Variants in SEM1 observed in about 807,000 individuals in gnomAD.
The protein encoded by SEM1 is SEM1 26S proteasome subunit, also known as 26S proteasome complex subunit SEM1.
In SEM1, 3 loss-of-function variants were observed where a neutral mutation model predicts 12.7. The observed-to-expected ratio is 0.24, with a 90% CI of 0.11 to 0.61. SEM1 has a LOEUF of 0.61. SEM1 is among the 20% of genes least tolerant of loss of function. The pLI is 0.88. For missense variants in SEM1, 59 were observed against 81.3 expected (o/e 0.73, Z 1.06); for synonymous variants, 30 against 27.8 (o/e 1.08, Z -0.25).
At chr7:96,611,293 T>C (rs553325913) in intron 2 of SEM1, among the ~76,000 whole-genome samples, 2 of 152,346 alleles carry the variant, frequency 1.3e-5, no homozygotes, top group South Asian at 4.1e-4. Context: ...AATAAATTTA[T>C]GTACCTTTTC....
intron 2 of SEM1, among the ~76,000 whole-genome samples, chr7:96,536,594 C>G (rs1002346173): frequency 4.0e-5 from 6 of 151,716 alleles, no homozygotes; most frequent in Admixed American, 1.3e-4. Flanking sequence ...CTTTGATGTT[C>G]TTTTGTTAGG....
At chr7:96,704,072 CTATT>C (rs1365352851) in intron 1 of SEM1, among the ~76,000 whole-genome samples, 1 of 151,386 alleles carries the variant, frequency 6.6e-6, no homozygotes, top group Non-Finnish European at 1.5e-5. Flanking sequence ...GTTAAATAGA[CTATT>C]TAAGATGAAC....
At chr7:96,565,893 A>C (rs1165934685) in intron 2 of SEM1, among the ~76,000 whole-genome samples, 1 of 151,874 alleles carries the variant, frequency 6.6e-6, no homozygotes, top group African/African-American at 2.4e-5. Flanking sequence ...TCATGTACAC[A>C]TTATCCTTGT....
At position 96,700,498 on chromosome 7, in the gene SEM1, T is replaced by G. The variant is rs114459160; in HGVS notation, c.77-5607A>C. On this transcript the variant is annotated intron_variant, in intron 1 of 2. Coordinates refer to ENST00000248566, the MANE Select transcript of SEM1 (RefSeq NM_006304.2). ...TAGTCAGCCCTCTCTACAGGTGGGT[T>G]CCATATCCTGTGAATATCGTACTTC... is the stretch of plus-strand genomic sequence containing the variant. Among the ~76,000 whole-genome samples, 1,169 of 152,300 alleles carry G rather than the reference T, an allele frequency of 7.7e-3. 15 individuals carry two copies. Among genetic ancestry groups the G allele is most frequent in the African/African-American group, 0.026 (1,099 of 41,552 alleles).
intron 2 of SEM1, among the ~76,000 whole-genome samples, chr7:96,516,226 A>C (rs1804091543): frequency 6.6e-6 from 1 of 152,122 alleles, no homozygotes; most frequent in Admixed American, 6.6e-5. Flanking sequence ...ACAAAGAAAG[A>C]ACTGATAAGT....
chr7:96,647,599 G>T (rs994254090), intron 2 of SEM1: 3 of 152,080 alleles, frequency 2.0e-5, no homozygotes, highest in Non-Finnish European at 2.9e-5. Context: ...AAAGCCTCTT[G>T]CAGGGACTCT....
intron 3 of SEM1, among the ~76,000 whole-genome samples, chr7:96,505,525 CACTT>C (rs1803728499): frequency 1.3e-5 from 2 of 152,136 alleles, no homozygotes; most frequent in Admixed American, 1.3e-4. Context: ...TTAGCTATAA[CACTT>C]ACTCAAAGAG....
intron 2 of SEM1, among the ~76,000 whole-genome samples, chr7:96,639,884 C>A (rs1039353851): frequency 6.6e-6 from 1 of 151,874 alleles, no homozygotes; most frequent in African/African-American, 2.4e-5. Context: ...AAATAAACAA[C>A]CTGATTTGAA....
chr7:96,669,399 T>C (rs2116572219), downstream of SEM1, among the ~76,000 whole-genome samples: 1 of 152,292 alleles, frequency 6.6e-6, no homozygotes, highest in Non-Finnish European at 1.5e-5. Flanking sequence ...TTATGTTCCA[T>C]CAAACTTTAT....
rs118072875 is a variant in SEM1, at chr7:96,640,276, G to A, written c.171-17633C>T. Among the ~76,000 whole-genome samples the A allele has an allele frequency of 5.6e-3, 855 of 152,024 alleles. 3 individuals are homozygous for A. Among genetic ancestry groups the A allele is most frequent in the Middle Eastern group, 0.014 (4 of 294 alleles). ...TCCACACAAAAACTTGCACACACACGTTTATTGCAGGCTTATTCATAATTT... is the reference window on the plus strand; with the variant it reads ...TCCACACAAAAACTTGCACACACACATTTATTGCAGGCTTATTCATAATTT... On this transcript the variant is annotated intron_variant, in intron 2 of 2. Coordinates refer to the SEM1 transcript ENST00000417009. The surrounding 1 kb of genome is among the most constrained non-coding windows in gnomAD (Gnocchi z 4.0).
At chr7:96,676,127 G>GT (rs1789444236) in intron 2 of SEM1, among the ~76,000 whole-genome samples, 1 of 152,210 alleles carries the variant, frequency 6.6e-6, no homozygotes, top group South Asian at 2.1e-4. Context: ...TTATCCTGCA[G>GT]TAAGGGGTGA....
intron 2 of SEM1, among the ~76,000 whole-genome samples, chr7:96,646,877 C>G (rs1021642923): frequency 3.3e-5 from 5 of 152,154 alleles, no homozygotes; most frequent in African/African-American, 1.2e-4. Context: ...TCACTAGTAT[C>G]ATTACTCTTC....
chr7:96,669,703 G>A (rs1211994018), downstream of SEM1, among the ~76,000 whole-genome samples: 3 of 152,122 alleles, frequency 2.0e-5, no homozygotes, highest in Non-Finnish European at 4.4e-5. Flanking sequence ...TATTCATGGA[G>A]TGATATCTGT....
chr7:96,556,650 C>A (rs9769493), intron 2 of SEM1, among the ~76,000 whole-genome samples: 63,950 of 115,706 alleles, frequency 0.55, 18,466 homozygotes, highest in Non-Finnish European at 0.65. Context: ...AACTTTGGTG[C>A]ATCTGACAAT....
intron 2 of SEM1, among the ~76,000 whole-genome samples, chr7:96,549,248 G>C (rs1447605874): frequency 1.3e-5 from 2 of 152,176 alleles, no homozygotes; most frequent in Non-Finnish European, 2.9e-5. Context: ...AGGACTGGTA[G>C]TCTCACATCT....
At chr7:96,495,506 A>T (rs1163559133) in intron 1 of SEM1, among the ~76,000 whole-genome samples, 1 of 152,144 alleles carries the variant, frequency 6.6e-6, no homozygotes, top group Non-Finnish European at 1.5e-5. Context: ...GAAAGTTAAA[A>T]TTTAAAAATA....
chr7:96,592,809 T>G (rs1051001866), intron 2 of SEM1, among the ~76,000 whole-genome samples: 5 of 152,024 alleles, frequency 3.3e-5, no homozygotes, highest in South Asian at 4.1e-4. Context: ...AGGACCAGTT[T>G]TGAGGCATCG....
chr7:96,652,376 T>G (rs575751050), intron 2 of SEM1, among the ~76,000 whole-genome samples: 2 of 152,266 alleles, frequency 1.3e-5, no homozygotes, highest in East Asian at 3.9e-4. Context: ...ATATATATTG[T>G]ACATATTTTG....
intron 2 of SEM1, among the ~76,000 whole-genome samples, chr7:96,626,170 C>T (rs1713271385): frequency 6.6e-6 from 1 of 152,078 alleles, no homozygotes; most frequent in Non-Finnish European, 1.5e-5. Context: ...CCTTCCAAAC[C>T]CCCATTGACC....
Sources: allele counts gnomAD v4.1 joint callset (sites outside exome capture counted in the v4.1 genomes callset), GRCh38; gene constraint gnomAD v4.1.1; non-coding constraint Gnocchi (gnomAD v3.1); transcripts MANE v1.5; gene names NCBI Gene and HGNC (gene_info 2026-07-23, HGNC 2026-07-21).